CDH11: variants seen among roughly 807,000 people sequenced by gnomAD.
The protein encoded by CDH11 is cadherin-11.
Under a neutral mutation model 67.8 loss-of-function variants are expected in CDH11, and 11 were observed. The ratio of observed to expected loss-of-function variants is 0.16; its 90% CI spans 0.10 to 0.27. The LOEUF is 0.27. Ranked by LOEUF, CDH11 falls within the 10% of genes least tolerant of loss-of-function variation. The pLI is 1.00. For synonymous variants in CDH11, 419 were observed against 400.0 expected (o/e 1.05, Z -0.57); for missense variants, 847 against 1,031.2 (o/e 0.82, Z 2.45).
intron 11 of CDH11, among the ~76,000 whole-genome samples, chr16:64,956,528 A>T (rs1313835510): frequency 2.6e-5 from 4 of 152,210 alleles, no homozygotes; most frequent in African/African-American, 4.8e-5. Context: ...TGACAAGAAA[A>T]TGTTTTTCAA....
At chr16:65,028,965 C>T (rs933448351) in intron 2 of CDH11, among the ~76,000 whole-genome samples, 1 of 152,092 alleles carries the variant, frequency 6.6e-6, no homozygotes, top group African/African-American at 2.4e-5. Flanking sequence ...TATGAACCAG[C>T]AGGCATACTT....
chr16:64,944,433 C>T lies in CDH11; in HGVS notation c.*3170G>A, dbSNP rs985018763. ...GCAAAAGCCCTCCTGGGGCACACCT[C>T]TGGGTTTATATGCTCCTAATCTGTC... On this transcript the variant is annotated 3_prime_UTR_variant, in exon 13 of 13. Coordinates refer to ENST00000268603, the MANE Select transcript of CDH11 (RefSeq NM_001797.4). The T allele has an allele frequency of 3.0e-5, 7 of 232,756 alleles. No homozygotes were observed. Among genetic ancestry groups the T allele is most frequent in the Non-Finnish European group, 5.1e-5 (6 of 117,822 alleles). The allele number at this position is 232,756 out of a possible 1,614,324, so 14.4% of individuals were successfully genotyped here. A position where few individuals can be genotyped will look rare whatever the true frequency, so the allele number is the denominator to read the frequency against.
intron 2 of CDH11, among the ~76,000 whole-genome samples, chr16:65,047,184 T>G (rs1344381484): frequency 6.6e-6 from 1 of 152,100 alleles, no homozygotes. Context: ...GTGGAGGAAG[T>G]AGCTATATGG....
intron 2 of CDH11, among the ~76,000 whole-genome samples, chr16:65,007,998 T>A (rs1373131124): frequency 6.6e-6 from 1 of 152,232 alleles, no homozygotes; most frequent in Non-Finnish European, 1.5e-5. Flanking sequence ...TCCTTGCCCA[T>A]CTTGCACCAT....
intron 2 of CDH11, among the ~76,000 whole-genome samples, chr16:65,032,647 A>G (rs182933517): frequency 5.6e-4 from 86 of 152,232 alleles, no homozygotes; most frequent in African/African-American, 2.0e-3. Flanking sequence ...AAGAAAAGTG[A>G]CTCATTATAT....
intron 2 of CDH11, among the ~76,000 whole-genome samples, chr16:65,042,587 C>G (rs2073884687): frequency 6.6e-6 from 1 of 152,074 alleles, no homozygotes; most frequent in Non-Finnish European, 1.5e-5. Context: ...GCATTGGCAG[C>G]AAAATTTGCA....
chr16:65,104,908 A>G (rs1597201136), intron 1 of CDH11, among the ~76,000 whole-genome samples: 1 of 152,226 alleles, frequency 6.6e-6, no homozygotes, highest in Non-Finnish European at 1.5e-5. Flanking sequence ...AGTATTCTCA[A>G]TTTCATAAGA....
At chr16:65,015,346 C>G (rs974440552) in intron 2 of CDH11, among the ~76,000 whole-genome samples, 1 of 151,646 alleles carries the variant, frequency 6.6e-6, no homozygotes, top group African/African-American at 2.4e-5. Flanking sequence ...GAATGACACT[C>G]TAGAGACATT....
At chr16:64,975,488 AG>A (rs1195068749) in intron 8 of CDH11, among the ~76,000 whole-genome samples, 4 of 152,332 alleles carry the variant, frequency 2.6e-5, no homozygotes, top group South Asian at 2.1e-4. Context: ...AGTGAAGTAC[AG>A]GGGTAACAGA....
intron 11 of CDH11, among the ~76,000 whole-genome samples, chr16:64,969,307 A>T (rs2071936115): frequency 6.6e-6 from 1 of 152,224 alleles, no homozygotes; most frequent in Non-Finnish European, 1.5e-5. Context: ...AAGTTATCAC[A>T]GCAGGGAAAG....
intron 2 of CDH11, among the ~76,000 whole-genome samples, chr16:65,008,979 G>A (rs1275407503): frequency 6.6e-6 from 1 of 152,044 alleles, no homozygotes; most frequent in Non-Finnish European, 1.5e-5. Context: ...TAGCATTATT[G>A]CTATTCCCAT....
At chr16:64,967,753 G>A (rs1293186056) in intron 11 of CDH11, among the ~76,000 whole-genome samples, 1 of 151,824 alleles carries the variant, frequency 6.6e-6, no homozygotes, top group Non-Finnish European at 1.5e-5. Flanking sequence ...GACTATTTCT[G>A]GGTAGCCTAT....
chr16:64,987,391 C>T (rs879257187), intron 7 of CDH11: 6 of 152,150 alleles, frequency 3.9e-5, no homozygotes, highest in Non-Finnish European at 8.8e-5. Flanking sequence ...TTTCATCTGT[C>T]TGAGCCCCAA....
intron 2 of CDH11, among the ~76,000 whole-genome samples, chr16:65,052,524 T>C (rs2074074270): frequency 6.6e-6 from 1 of 152,128 alleles, no homozygotes. Flanking sequence ...AGAGTGGATG[T>C]ATATAATACA....
intron 2 of CDH11, among the ~76,000 whole-genome samples, chr16:65,011,005 G>GTA (rs981123900): frequency 1.4e-5 from 2 of 142,964 alleles, no homozygotes; most frequent in East Asian, 4.0e-4. Context: ...ATATGTATAT[G>GTA]TATATATATG....
rs544072018 is a variant in CDH11 at position 65,032,881 on chromosome 16, T to A, written c.-173+20923A>T. Among the ~76,000 whole-genome samples the A allele has an allele frequency of 2.6e-5, 4 of 152,312 alleles. No individual in the cohort carries two copies. In the East Asian group the frequency reaches 5.8e-4, roughly 22 times the overall value. On this transcript the variant is annotated intron_variant, in intron 2 of 12. Coordinates refer to ENST00000268603, the MANE Select transcript of CDH11 (RefSeq NM_001797.4). ...ATCAAGAGGTGAGACCTAATCCTGA[T>A]TAACGTTTCAATAAGAAGCCTGGGA...
chr16:64,999,361 A>G (rs1397071798), intron 3 of CDH11, among the ~76,000 whole-genome samples: 1 of 152,198 alleles, frequency 6.6e-6, no homozygotes, highest in Non-Finnish European at 1.5e-5. Context: ...CTACACAGAT[A>G]CATATGTACC....
intron 7 of CDH11, chr16:64,986,534 T>A (rs961298475): frequency 6.6e-6 from 1 of 151,832 alleles, no homozygotes; most frequent in Admixed American, 6.6e-5. Flanking sequence ...GAGGCAGGAA[T>A]TGCTGATGTC....
intron 1 of CDH11, among the ~76,000 whole-genome samples, chr16:65,082,799 A>G (rs1490529232): frequency 6.6e-6 from 1 of 152,094 alleles, no homozygotes; most frequent in Non-Finnish European, 1.5e-5. Flanking sequence ...GGTAAGCCTC[A>G]TTTTCTTTAC....
Sources: allele counts gnomAD v4.1 joint callset (sites outside exome capture counted in the v4.1 genomes callset), GRCh38; gene constraint gnomAD v4.1.1; transcripts MANE v1.5; gene names NCBI Gene and HGNC (gene_info 2026-07-23, HGNC 2026-07-21).